The following PTN variants were observed in gnomAD, a reference collection of about 807,000 sequenced individuals.
PTN encodes the protein heparin affin regulatory protein.
In PTN, 18 loss-of-function variants were observed where a neutral mutation model predicts 24.1. The observed-to-expected ratio is 0.75, with a 90% CI of 0.52 to 1.11. PTN has a LOEUF of 1.11. PTN is among the 50% of genes least tolerant of loss of function. The probability of loss-of-function intolerance (pLI) is 0.00; values close to 1 mark genes in which losing one functional copy is unlikely to be tolerated. For synonymous variants in PTN, 78 were observed against 68.6 expected (o/e 1.14, Z -0.67); for missense variants, 163 against 198.8 (o/e 0.82, Z 1.08).
At chr7:137,303,701 T>C (rs112699437) in intron 1 of PTN, among the ~76,000 whole-genome samples, 2,966 of 152,088 alleles carry the variant, frequency 0.02, 40 homozygotes, top group African/African-American at 0.027. Flanking sequence ...ATATTTAGGG[T>C]GTTAAACAGC....
intron 1 of PTN, among the ~76,000 whole-genome samples, chr7:137,342,990 C>T (rs929917810): frequency 2.0e-4 from 30 of 152,098 alleles, no homozygotes; most frequent in African/African-American, 6.0e-4. Flanking sequence ...GGCTGACAGG[C>T]TCTGGGGCAA....
chr7:137,288,502 G>A (rs1809592122), intron 1 of PTN, among the ~76,000 whole-genome samples: 1 of 152,236 alleles, frequency 6.6e-6, no homozygotes, highest in East Asian at 1.9e-4. Context: ...CTACATTCCA[G>A]GGGCCTCCAA....
intron 1 of PTN, among the ~76,000 whole-genome samples, chr7:137,290,408 C>T (rs959222075): frequency 2.6e-5 from 4 of 152,126 alleles, no homozygotes; most frequent in African/African-American, 9.7e-5. Flanking sequence ...AACGAGCTTG[C>T]TTTATCTGTA....
intron 1 of PTN, among the ~76,000 whole-genome samples, chr7:137,266,868 CTTTT>C (rs57274644): frequency 2.7e-4 from 27 of 98,760 alleles, no homozygotes; most frequent in South Asian, 8.4e-4. Context: ...TATAGATGGC[CTTTT>C]TTTTTTTTTT....
chr7:137,327,674 C>A (rs1420597371), intron 1 of PTN, among the ~76,000 whole-genome samples: 1 of 152,088 alleles, frequency 6.6e-6, no homozygotes, highest in Non-Finnish European at 1.5e-5. Flanking sequence ...ATGCAGCCAC[C>A]CTTTTCCACT....
intron 1 of PTN, among the ~76,000 whole-genome samples, chr7:137,272,775 G>T (rs957533897): frequency 6.6e-6 from 1 of 152,088 alleles, no homozygotes; most frequent in African/African-American, 2.4e-5. Context: ...ATACATAAAG[G>T]AAGTAGAGAA....
chr7:137,243,933 T>C (rs981861223), intron 4 of PTN, among the ~76,000 whole-genome samples: 1 of 152,206 alleles, frequency 6.6e-6, no homozygotes, highest in Non-Finnish European at 1.5e-5. Context: ...TTCCTGGTCT[T>C]GCGGCATCCA....
Position 137,228,004 on chromosome 7 carries a change from CCA to C in PTN, c.*14_*15del. On this transcript the variant is annotated 3_prime_UTR_variant, in exon 5 of 5. Transcript: ENST00000348225. ...TGTTTGCTGATGTCCTTTTTATGTT[CCA>C]CAGGTGACATCTTTTAATCCAGCAT... The C allele has an allele frequency of 5.0e-6, 8 of 1,607,068 alleles. No individual in the cohort carries two copies. The highest frequency in any genetic ancestry group is 5.9e-6 in the Non-Finnish European group (7 of 1,176,536).
chr7:137,323,868 A>G lies in PTN; in HGVS notation c.-2+19571T>C, dbSNP rs547101791. On this transcript the variant is annotated intron_variant, in intron 1 of 4. Coordinates refer to ENST00000348225, the MANE Select transcript of PTN (RefSeq NM_002825.7). ...GTGAAGCTGATGCTGCAGAGCCACCAACTTAAACACAATCAGAAGAGTATT... is the reference window on the plus strand; with the variant it reads ...GTGAAGCTGATGCTGCAGAGCCACCGACTTAAACACAATCAGAAGAGTATT... Among the ~76,000 whole-genome samples, 5 of 152,258 alleles carry G rather than the reference A, an allele frequency of 3.3e-5. No individual in the cohort carries two copies. In the East Asian group the frequency reaches 9.7e-4, roughly 30 times the overall value.
At chr7:137,332,111 T>C (rs971768170) in intron 1 of PTN, among the ~76,000 whole-genome samples, 1 of 152,240 alleles carries the variant, frequency 6.6e-6, no homozygotes, top group Non-Finnish European at 1.5e-5. Context: ...TATGTTAATA[T>C]GTGCATAGCT....
chr7:137,233,585 A>C (rs529245890), intron 4 of PTN, among the ~76,000 whole-genome samples: 1 of 152,030 alleles, frequency 6.6e-6, no homozygotes. Flanking sequence ...AGTCTTTCAA[A>C]ATTGTAAAGT....
intron 1 of PTN, among the ~76,000 whole-genome samples, chr7:137,293,687 A>G (rs1809675321): frequency 6.6e-6 from 1 of 152,094 alleles, no homozygotes; most frequent in Admixed American, 6.5e-5. Flanking sequence ...GATTTCCTGT[A>G]TACTCCCTGC....
At chr7:137,291,518 C>G (rs1809638471) in intron 1 of PTN, among the ~76,000 whole-genome samples, 1 of 152,096 alleles carries the variant, frequency 6.6e-6, no homozygotes, top group African/African-American at 2.4e-5. Flanking sequence ...GGCAGCTGGG[C>G]ACCTGTACCT....
intron 1 of PTN, among the ~76,000 whole-genome samples, chr7:137,267,144 C>T (rs893517253): frequency 6.6e-6 from 1 of 151,998 alleles, no homozygotes; most frequent in Non-Finnish European, 1.5e-5. Context: ...GTATATTTCT[C>T]TCTCTTGTTC....
intron 1 of PTN, among the ~76,000 whole-genome samples, chr7:137,321,120 G>A (rs1810155347): frequency 6.6e-6 from 1 of 152,128 alleles, no homozygotes; most frequent in African/African-American, 2.4e-5. Context: ...CTATTGCCAA[G>A]CTTGTTTTCA....
chr7:137,278,981 T>TAATAATAATAATAATAATAATAAA (rs1554466684), intron 1 of PTN, among the ~76,000 whole-genome samples: 3 of 140,410 alleles, frequency 2.1e-5, no homozygotes, highest in African/African-American at 5.2e-5. Flanking sequence ...ATAATAATAA[T>TAATAATAATAATAATAATAATAAA]AAAATAAAGA....
intron 1 of PTN, among the ~76,000 whole-genome samples, chr7:137,307,898 T>C (rs1809915733): frequency 6.6e-6 from 1 of 152,172 alleles, no homozygotes; most frequent in African/African-American, 2.4e-5. Flanking sequence ...CCTGCGCTTG[T>C]TCCATGCTAA....
intron 1 of PTN, among the ~76,000 whole-genome samples, chr7:137,297,607 G>A (rs1163702406): frequency 6.6e-6 from 1 of 151,900 alleles, no homozygotes; most frequent in Non-Finnish European, 1.5e-5. Flanking sequence ...GCAGCCTGAG[G>A]AACAACCTCT....
chr7:137,269,606 T>C lies in PTN; in HGVS notation c.-1-14632A>G, dbSNP rs184383557. On this transcript the variant is annotated intron_variant, in intron 1 of 4. Coordinates refer to ENST00000348225, the MANE Select transcript of PTN (RefSeq NM_002825.7). ...GACCATGGGTTTTGGTCTTGCTATC[T>C]GTCAAGCTGCTTCATCTATTTTTTT... is the stretch of plus-strand genomic sequence containing the variant. Among the ~76,000 whole-genome samples the C allele has an allele frequency of 4.4e-3, 665 of 151,212 alleles. 4 individuals carry two copies. Among genetic ancestry groups the C allele is most frequent in the Middle Eastern group, 0.024 (7 of 292 alleles).
Sources: allele counts gnomAD v4.1 joint callset (sites outside exome capture counted in the v4.1 genomes callset), GRCh38; gene constraint gnomAD v4.1.1; transcripts MANE v1.5; gene names NCBI Gene and HGNC (gene_info 2026-07-23, HGNC 2026-07-21).